The following UBAC2 variants were observed in gnomAD, a reference collection of about 807,000 sequenced individuals.
The protein encoded by UBAC2 is UBA domain containing 2, also known as ubiquitin-associated domain-containing protein 2.
A neutral mutation model predicts 44.0 loss-of-function variants in UBAC2; 26 were observed. The observed-to-expected ratio is 0.59, with a 90% CI of 0.43 to 0.82. The LOEUF (loss-of-function observed/expected upper bound fraction) is 0.82. UBAC2 is among the 40% of genes least tolerant of loss of function. The probability of loss-of-function intolerance (pLI) is 0.00; values close to 1 mark genes in which losing one functional copy is unlikely to be tolerated. For missense variants in UBAC2, 329 were observed against 419.4 expected (o/e 0.78, Z 1.88); for synonymous variants, 155 against 154.3 (o/e 1.00, Z -0.04).
chr13:99,243,777 G>T, intron 2 of UBAC2, 55 bp from the exon 3 acceptor site: 1 of 1,518,012 alleles, frequency 6.6e-7, no homozygotes, highest in Non-Finnish European at 8.9e-7. Context: ...TGCTAAGGAA[G>T]AGACCCGAAC....
At chr13:99,303,265 C>A (rs1434334201) in intron 4 of UBAC2, among the ~76,000 whole-genome samples, 18 of 152,230 alleles carry the variant, frequency 1.2e-4, no homozygotes, top group Non-Finnish European at 8.8e-5. Flanking sequence ...CCTCTTTGTG[C>A]TTTATATGTG....
At chr13:99,213,371 T>G (rs998327630) in intron 1 of UBAC2, among the ~76,000 whole-genome samples, 29 of 151,484 alleles carry the variant, frequency 1.9e-4, no homozygotes, top group Non-Finnish European at 4.0e-4. Context: ...TTTTTTTTTG[T>G]TTTTTTTGAG....
At chr13:99,353,623 T>C (rs769280319) in intron 7 of UBAC2, among the ~76,000 whole-genome samples, 2 of 152,176 alleles carry the variant, frequency 1.3e-5, no homozygotes, top group Non-Finnish European at 2.9e-5. Flanking sequence ...TAATCAGTTT[T>C]TGAAAGGACG....
At chr13:99,369,489 A>G (rs1312891304) in intron 8 of UBAC2, among the ~76,000 whole-genome samples, 1 of 152,220 alleles carries the variant, frequency 6.6e-6, no homozygotes, top group Non-Finnish European at 1.5e-5. Flanking sequence ...TTTGTGAGAG[A>G]TGATTTTGCC....
intron 7 of UBAC2, among the ~76,000 whole-genome samples, chr13:99,347,121 GAAA>G (rs60467106): frequency 6.7e-6 from 1 of 149,438 alleles, no homozygotes; most frequent in African/African-American, 2.5e-5. Context: ...TCTATTTAAA[GAAA>G]AAAAAAGATC....
At chr13:99,238,393 A>G (rs370794732) in intron 1 of UBAC2, 34 bp from the exon 2 acceptor site, 58 of 1,605,152 alleles carry the variant, frequency 3.6e-5, no homozygotes, top group African/African-American at 1.3e-4. Flanking sequence ...CTTAGGAACA[A>G]TCATTCTGAA....
intron 1 of UBAC2, among the ~76,000 whole-genome samples, chr13:99,202,000 G>A (rs1160066729): frequency 1.3e-5 from 2 of 151,176 alleles, no homozygotes; most frequent in Admixed American, 6.6e-5. Flanking sequence ...GTGAACCCGG[G>A]AGGCGGAGCT....
At chr13:99,275,412 T>C (rs1169715554) in intron 4 of UBAC2, among the ~76,000 whole-genome samples, 2 of 152,250 alleles carry the variant, frequency 1.3e-5, no homozygotes. Flanking sequence ...TGGTGATATA[T>C]TTTTGTGATT....
chr13:99,327,448 A>G (rs1337614296), intron 6 of UBAC2, among the ~76,000 whole-genome samples: 6 of 151,820 alleles, frequency 4.0e-5, no homozygotes, highest in Admixed American at 6.6e-5. Flanking sequence ...TCTTTAAACT[A>G]TATGTAGTTT....
chr13:99,344,419 T>C (rs2044941044), intron 7 of UBAC2, among the ~76,000 whole-genome samples: 1 of 151,706 alleles, frequency 6.6e-6, no homozygotes. Flanking sequence ...TTTGCTTCCA[T>C]CTTCTTCTTT....
At chr13:99,278,712 A>C (rs771362169) in intron 4 of UBAC2, among the ~76,000 whole-genome samples, 2 of 152,248 alleles carry the variant, frequency 1.3e-5, no homozygotes, top group Non-Finnish European at 2.9e-5. Flanking sequence ...TATTTTAGAT[A>C]TCTTCTCTCC....
intron 1 of UBAC2, among the ~76,000 whole-genome samples, chr13:99,203,159 C>T (rs1318984544): frequency 2.0e-5 from 3 of 152,120 alleles, no homozygotes; most frequent in Non-Finnish European, 2.9e-5. Context: ...GCCTCAGCCT[C>T]CCAAGTAGCT....
chr13:99,221,791 G>A (rs1188622606), intron 1 of UBAC2, among the ~76,000 whole-genome samples: 3 of 152,152 alleles, frequency 2.0e-5, no homozygotes, highest in African/African-American at 7.2e-5. Context: ...TCGCCTACTT[G>A]ACAGTGCCCT....
At chr13:99,275,156 C>T (rs974714610) in intron 4 of UBAC2, among the ~76,000 whole-genome samples, 2 of 152,186 alleles carry the variant, frequency 1.3e-5, no homozygotes, top group Non-Finnish European at 2.9e-5. Context: ...GTGGGTCAGG[C>T]ATTTAAGAGC....
intron 4 of UBAC2, among the ~76,000 whole-genome samples, chr13:99,309,105 G>T (rs1327667497): frequency 6.6e-6 from 1 of 151,742 alleles, no homozygotes; most frequent in Non-Finnish European, 1.5e-5. Context: ...AACTGGATCT[G>T]TCCTCCCAAC....
chr13:99,207,658 A>T (rs1459611830), intron 1 of UBAC2, among the ~76,000 whole-genome samples: 2 of 152,034 alleles, frequency 1.3e-5, no homozygotes, highest in Admixed American at 1.3e-4. Context: ...GGCCAGATGC[A>T]GTTAGAGAAG....
chr13:99,215,321 C>T, intron 1 of UBAC2: 1 of 805,648 alleles, frequency 1.2e-6, no homozygotes, highest in Non-Finnish European at 2.3e-6. Context: ...CAACACTGGA[C>T]AGCTGTTCTT....
At chr13:99,230,027 T>A (rs941361355) in intron 1 of UBAC2, among the ~76,000 whole-genome samples, 1 of 152,366 alleles carries the variant, frequency 6.6e-6, no homozygotes, top group Admixed American at 6.5e-5. Flanking sequence ...TTATTCTCTC[T>A]GCTTTCAATG....
At chr13:99,285,682 A>G (rs1472867661) in intron 4 of UBAC2, among the ~76,000 whole-genome samples, 2 of 152,178 alleles carry the variant, frequency 1.3e-5, no homozygotes, top group African/African-American at 4.8e-5. Flanking sequence ...ATGAGCCACC[A>G]TGCCCGGCCA....
Sources: gnomAD v4.1 joint callset for allele counts (sites outside exome capture counted in the v4.1 genomes callset) on GRCh38, gnomAD v4.1.1 for gene constraint, MANE v1.5 for transcripts, NCBI Gene and HGNC (gene_info 2026-07-23, HGNC 2026-07-21) for gene names.